The following MARCHF1 variants were observed in gnomAD, a reference collection of about 807,000 sequenced individuals.
MARCHF1 encodes the protein E3 ubiquitin-protein ligase MARCHF1.
Under a neutral mutation model 54.2 loss-of-function variants are expected in MARCHF1, and 40 were observed. The observed-to-expected ratio is 0.74, with a 90% CI of 0.57 to 0.96. MARCHF1 has a LOEUF of 0.96. Among genes scored for constraint, MARCHF1 ranks in the 40% least tolerant of loss-of-function variants. The pLI is 0.00. For missense variants in MARCHF1, 586 were observed against 656.5 expected (o/e 0.89, Z 1.17); for synonymous variants, 236 against 236.3 (o/e 1.00, Z 0.01).
chr4:164,273,619 T>G (rs1404121492), intron 1 of MARCHF1, among the ~76,000 whole-genome samples: 1 of 152,226 alleles, frequency 6.6e-6, no homozygotes, highest in Non-Finnish European at 1.5e-5. Context: ...CGTGGCCTTG[T>G]AAGAAAGCAA....
At chr4:163,934,108 C>T (rs1278536546) in intron 3 of MARCHF1, among the ~76,000 whole-genome samples, 4 of 152,166 alleles carry the variant, frequency 2.6e-5, no homozygotes, top group Non-Finnish European at 5.9e-5. Context: ...GATATGTGCA[C>T]ATGTGTGGGG....
chr4:163,956,064 T>TA (rs1424634387), intron 3 of MARCHF1, among the ~76,000 whole-genome samples: 8 of 152,246 alleles, frequency 5.3e-5, no homozygotes, highest in African/African-American at 1.7e-4. Context: ...GTACCAATGT[T>TA]AATTTCTTAG....
chr4:163,709,714 G>A (rs2111252523), intron 4 of MARCHF1, among the ~76,000 whole-genome samples: 1 of 152,278 alleles, frequency 6.6e-6, no homozygotes, highest in Non-Finnish European at 1.5e-5. Flanking sequence ...AAGATTTGTA[G>A]TTACAACACT....
rs1734137028 is a variant in MARCHF1, at chr4:164,285,917, A to G, written c.-323+97953T>C. Among the ~76,000 whole-genome samples, 5 of 151,978 alleles carry G rather than the reference A, an allele frequency of 3.3e-5. No individual in the cohort carries two copies. The South Asian group carries it at 1.0e-3, about 32-fold the overall frequency. On this transcript the variant is annotated intron_variant, in intron 1 of 9. Coordinates refer to ENST00000514618, the MANE Select transcript of MARCHF1 (RefSeq NM_001394959.1). ...TGCCATATATATTTCTCCCAGCAGAACTTCTCATAAAAAAATTATGATCTG... is the reference window on the plus strand; with the variant it reads ...TGCCATATATATTTCTCCCAGCAGAGCTTCTCATAAAAAAATTATGATCTG...
intron 3 of MARCHF1, among the ~76,000 whole-genome samples, chr4:163,970,972 G>A (rs1317339847): frequency 6.6e-6 from 1 of 152,116 alleles, no homozygotes; most frequent in Admixed American, 6.5e-5. Flanking sequence ...AATACCCCCG[G>A]TAATTTCTGA....
At chr4:163,920,333 A>G (rs1380525360) in intron 3 of MARCHF1, among the ~76,000 whole-genome samples, 2 of 152,220 alleles carry the variant, frequency 1.3e-5, no homozygotes, top group Non-Finnish European at 2.9e-5. Flanking sequence ...TCTTGCAAGA[A>G]TTAATTGTAT....
intron 1 of MARCHF1, among the ~76,000 whole-genome samples, chr4:164,249,655 G>A (rs1733066726): frequency 6.6e-6 from 1 of 151,430 alleles, no homozygotes. Flanking sequence ...CAATCTATAA[G>A]AATGAATTAA....
At chr4:164,086,030 T>TA (rs544633514) in intron 2 of MARCHF1, among the ~76,000 whole-genome samples, 2 of 151,846 alleles carry the variant, frequency 1.3e-5, no homozygotes, top group African/African-American at 2.4e-5. Flanking sequence ...AAAAGGCTAT[T>TA]AAAAAAATGG....
At position 164,269,621 on chromosome 4, in the gene MARCHF1, A is replaced by T. The variant is rs560144571; in HGVS notation, c.-323+114249T>A. Among the ~76,000 whole-genome samples the T allele has an allele frequency of 9.6e-4, 146 of 152,236 alleles. 8 individuals are homozygous for T. The South Asian group carries it at 0.029, about 31-fold the overall frequency. On this transcript the variant is annotated intron_variant, in intron 1 of 9. Transcript: ENST00000514618. ...ATTATACATTGACATTGTTATCATG[A>T]AATTAGTTGGGTGATGTGTCTTATT...
chr4:163,668,241 A>G (rs1454786026), intron 5 of MARCHF1, among the ~76,000 whole-genome samples: 1 of 152,174 alleles, frequency 6.6e-6, no homozygotes, highest in Admixed American at 6.6e-5. Context: ...CCAAGCTGGC[A>G]ATGAATTAGT....
chr4:163,683,889 GCTCACTCACTCACTCACTCACTCA>G (rs3080980), intron 5 of MARCHF1, among the ~76,000 whole-genome samples: 2 of 148,906 alleles, frequency 1.3e-5, no homozygotes, highest in African/African-American at 2.5e-5. Context: ...TCATGTGGAG[GCTCACTCACTCACTCACTCACTCA>G]CTCACTCACT....
At chr4:163,679,540 C>T (rs1204901353) in intron 5 of MARCHF1, among the ~76,000 whole-genome samples, 1 of 152,124 alleles carries the variant, frequency 6.6e-6, no homozygotes, top group Non-Finnish European at 1.5e-5. Context: ...GGTCCCTGAC[C>T]TCTGAGTCAC....
At chr4:163,583,652 G>GTGTTTTT (rs1168346949) in intron 8 of MARCHF1, 2 of 123,826 alleles carry the variant, frequency 1.6e-5, no homozygotes, top group African/African-American at 3.1e-5. Flanking sequence ...TTTTTTGTGT[G>GTGTTTTT]TTTTTTTTTT....
intron 2 of MARCHF1, among the ~76,000 whole-genome samples, chr4:164,086,258 A>G (rs1030535243): frequency 2.0e-5 from 3 of 151,902 alleles, no homozygotes; most frequent in African/African-American, 7.2e-5. Context: ...CACAAACTCT[A>G]TAAATACTGG....
chr4:163,528,460 G>T lies in MARCHF1; in HGVS notation c.*288C>A. ...TGGGTCCATTTAATCTTTGATTACT[G>T]CCTAAAAGCATTCATTGCCCCAGTA... On this transcript the variant is annotated 3_prime_UTR_variant, in exon 10 of 10. Transcript: ENST00000514618. 5.5e-6 allele frequency: 2 copies of T among 360,880 alleles called. No individual in the cohort carries two copies. The highest frequency in any genetic ancestry group is 1.0e-5 in the Non-Finnish European group (2 of 197,422). The allele number at this position is 360,880 out of a possible 1,614,324, so 22.4% of individuals were successfully genotyped here. A position where few individuals can be genotyped will look rare whatever the true frequency, so the allele number is the denominator to read the frequency against.
chr4:164,139,067 T>C (rs1756464230), intron 1 of MARCHF1, among the ~76,000 whole-genome samples: 1 of 152,216 alleles, frequency 6.6e-6, no homozygotes, highest in Non-Finnish European at 1.5e-5. Flanking sequence ...GTCTAGTACA[T>C]GAAACATAAG....
At chr4:164,176,939 GCGCTCTCTCTCTCTCTCT>G (rs1730680067) in intron 1 of MARCHF1, among the ~76,000 whole-genome samples, 2 of 53,618 alleles carry the variant, frequency 3.7e-5, no homozygotes, top group African/African-American at 1.2e-4. Context: ...AGTACCTTGT[GCGCTCTCTCTCTCTCTCT>G]CTCTCTCTCT....
chr4:163,761,450 G>C (rs1324751942), intron 4 of MARCHF1, among the ~76,000 whole-genome samples: 1 of 152,196 alleles, frequency 6.6e-6, no homozygotes, highest in Non-Finnish European at 1.5e-5. Flanking sequence ...GTGTCCTGTA[G>C]AAGCTGAGGT....
chr4:164,119,176 A>T (rs1165613103), intron 1 of MARCHF1, among the ~76,000 whole-genome samples: 2 of 151,720 alleles, frequency 1.3e-5, no homozygotes, highest in Non-Finnish European at 2.9e-5. Flanking sequence ...CCCAGTCACA[A>T]TGCAATAAAA....
Sources: allele counts gnomAD v4.1 joint callset (sites outside exome capture counted in the v4.1 genomes callset), GRCh38; gene constraint gnomAD v4.1.1; transcripts MANE v1.5; gene names NCBI Gene and HGNC (gene_info 2026-07-23, HGNC 2026-07-21).